TSHZ1: variants seen among roughly 807,000 people sequenced by gnomAD.
TSHZ1 encodes the protein teashirt homolog 1.
Under a neutral mutation model 67.1 loss-of-function variants are expected in TSHZ1, and 12 were observed. The ratio of observed to expected loss-of-function variants is 0.18; its 90% CI spans 0.11 to 0.29. The LOEUF (loss-of-function observed/expected upper bound fraction) is 0.29. Ranked by LOEUF, TSHZ1 falls within the 10% of genes least tolerant of loss-of-function variation. The pLI is 1.00. For synonymous variants in TSHZ1, 632 were observed against 622.4 expected (o/e 1.02, Z -0.23); for missense variants, 1,305 against 1,413.9 (o/e 0.92, Z 1.23).
At chr18:75,258,405 C>T (rs1247458793) in intron 1 of TSHZ1, among the ~76,000 whole-genome samples, 4 of 152,146 alleles carry the variant, frequency 2.6e-5, no homozygotes, top group Non-Finnish European at 5.9e-5. Flanking sequence ...AATAAGTACA[C>T]ATGGGCATGA....
intron 1 of TSHZ1, among the ~76,000 whole-genome samples, chr18:75,221,518 T>A (rs1313756843): frequency 6.6e-6 from 1 of 152,240 alleles, no homozygotes; most frequent in Non-Finnish European, 1.5e-5. Context: ...AAGTGAAGGC[T>A]CTTTTCAAAG....
intron 1 of TSHZ1, among the ~76,000 whole-genome samples, chr18:75,216,366 C>T (rs537514375): frequency 2.0e-5 from 3 of 152,124 alleles, no homozygotes; most frequent in South Asian, 2.1e-4. Flanking sequence ...TTTCCTGTTG[C>T]GGTGCTTGTG....
chr18:75,237,450 A>G (rs542346082), intron 1 of TSHZ1, among the ~76,000 whole-genome samples: 10 of 152,244 alleles, frequency 6.6e-5, no homozygotes, highest in Non-Finnish European at 4.4e-5. Flanking sequence ...TGAGCCCATA[A>G]AGTTGAGGCT....
chr18:75,257,463 G>A (rs1210368875), intron 1 of TSHZ1, among the ~76,000 whole-genome samples: 3 of 152,182 alleles, frequency 2.0e-5, no homozygotes, highest in Admixed American at 1.3e-4. Context: ...CAATTAATAA[G>A]AGCAAGTGCT....
intron 1 of TSHZ1, among the ~76,000 whole-genome samples, chr18:75,251,497 T>TTTG (rs1246251517): frequency 1.3e-5 from 2 of 151,276 alleles, no homozygotes; most frequent in African/African-American, 2.4e-5. Flanking sequence ...TTTAGGGTTT[T>TTTG]TTTTTTTTTT....
chr18:75,229,982 C>T (rs2022976854), intron 1 of TSHZ1, among the ~76,000 whole-genome samples: 1 of 152,196 alleles, frequency 6.6e-6, no homozygotes, highest in Admixed American at 6.5e-5. Context: ...GGTGGTGATA[C>T]TGGGTATTTT....
At chr18:75,221,483 C>T (rs958041196) in intron 1 of TSHZ1, among the ~76,000 whole-genome samples, 6 of 152,180 alleles carry the variant, frequency 3.9e-5, no homozygotes, top group East Asian at 1.9e-4. Context: ...AGAAATGGTA[C>T]GACATACCAA....
chr18:75,248,864 T>A (rs1190135838), intron 1 of TSHZ1, among the ~76,000 whole-genome samples: 1 of 152,122 alleles, frequency 6.6e-6, no homozygotes, highest in Non-Finnish European at 1.5e-5. Flanking sequence ...GGGGAACGGT[T>A]AGAAATAGCC....
Position 75,285,946 on chromosome 18 carries a change from G to A in TSHZ1, c.539G>A (p.Ser180Asn). 1 of 1,531,224 alleles carries A rather than the reference G, an allele frequency of 6.5e-7. No homozygotes were observed. Among genetic ancestry groups the A allele is most frequent in the Non-Finnish European group, 8.8e-7 (1 of 1,138,246 alleles). The allele number at this position is 1,531,224 out of a possible 1,614,324, so 94.9% of individuals were successfully genotyped here. A position where few individuals can be genotyped will look rare whatever the true frequency, so the allele number is the denominator to read the frequency against. The change falls in exon 2 of 2, where the codon AGC (serine) becomes AAC (asparagine). Residue 180 changes from serine (S) to asparagine (N), a missense_variant. By Grantham distance (46) the Ser-to-Asn change is conservative. This residue lies in a region of TSHZ1 where 358 missense variants were observed against 375.6 expected (regional missense o/e 0.95). Transcript: ENST00000580243. ...PTTSTPSTSC[S>N]SSTSHSSTTS... ...ACGAGCACGCCCAGCACCAGCTGCA[G>A]CTCCAGCACCAGCCACAGCAGTACC... is the stretch of plus-strand genomic sequence containing the variant.
At chr18:75,254,291 G>C (rs2023338933) in intron 1 of TSHZ1, among the ~76,000 whole-genome samples, 1 of 152,138 alleles carries the variant, frequency 6.6e-6, no homozygotes, top group Non-Finnish European at 1.5e-5. Flanking sequence ...GGGACTACAG[G>C]ATGCTTTAAT....
chr18:75,255,968 A>T (rs978644296), intron 1 of TSHZ1, among the ~76,000 whole-genome samples: 9 of 152,218 alleles, frequency 5.9e-5, no homozygotes, highest in African/African-American at 2.2e-4. Flanking sequence ...ATTTATTAGG[A>T]ATTTAATTTC....
In TSHZ1 at chr18:75,287,851, C is replaced by T; in HGVS notation, c.2444C>T (p.Ser815Phe). ...GACCAGCCCATTGACTTAACCAAGTCCAAGAACAAGCCGCTGGTGTCCAGC... is the reference window on the plus strand; with the variant it reads ...GACCAGCCCATTGACTTAACCAAGTTCAAGAACAAGCCGCTGGTGTCCAGC... ...NSDQPIDLTK[S>F]KNKPLVSSVA... The change falls in exon 2 of 2, where the codon TCC becomes TTC. Residue 815 changes from serine to phenylalanine, a missense_variant. Ser to Phe is a radical substitution (Grantham distance 155). Coordinates refer to ENST00000580243, the MANE Select transcript of TSHZ1 (RefSeq NM_001308210.2). This position sits in a 1 kb window ranked among gnomAD's most constrained non-coding sequence, Gnocchi z 5.0. 1.2e-6 allele frequency: 2 copies of T among 1,614,158 alleles called. No individual in the cohort carries two copies. Among genetic ancestry groups the T allele is most frequent in the Non-Finnish European group, 1.7e-6 (2 of 1,180,052 alleles).
intron 1 of TSHZ1, among the ~76,000 whole-genome samples, chr18:75,218,371 A>C (rs1038436538): frequency 6.6e-6 from 1 of 152,238 alleles, no homozygotes; most frequent in African/African-American, 2.4e-5. Flanking sequence ...TATAGCCTCA[A>C]AATGAGTGTT....
In TSHZ1 at chr18:75,286,961, G is replaced by A. The variant is rs1189330131; in HGVS notation, c.1554G>A (p.Glu518=). The change falls in exon 2 of 2, where the codon GAG becomes GAA. Residue 518 remains glutamate (E), a synonymous_variant. Coordinates refer to ENST00000580243, the MANE Select transcript of TSHZ1 (RefSeq NM_001308210.2). The surrounding 1 kb of genome is among the most constrained non-coding windows in gnomAD (Gnocchi z 5.1). ...PVAGDAEKIK[E]ESEDSLEKFE... ...CTGGCGACGCGGAGAAGATCAAGGA[G>A]GAGAGTGAGGACAGCTTGGAGAAAT... 1 of 1,614,126 alleles carries A rather than the reference G, an allele frequency of 6.2e-7. No homozygotes were observed.
intron 1 of TSHZ1, among the ~76,000 whole-genome samples, chr18:75,215,373 A>G (rs2022752941): frequency 6.6e-6 from 1 of 152,226 alleles, no homozygotes; most frequent in Admixed American, 6.5e-5. Context: ...TATACCTGTG[A>G]AATCACAGGA....
At chr18:75,262,207 A>C (rs2023438617) in intron 1 of TSHZ1, among the ~76,000 whole-genome samples, 1 of 152,200 alleles carries the variant, frequency 6.6e-6, no homozygotes, top group Non-Finnish European at 1.5e-5. Flanking sequence ...CCAATAGGTT[A>C]CCAGAAGATT....
At chr18:75,229,209 C>T (rs1160877039) in intron 1 of TSHZ1, among the ~76,000 whole-genome samples, 1 of 152,244 alleles carries the variant, frequency 6.6e-6, no homozygotes, top group Non-Finnish European at 1.5e-5. Context: ...TCAAAGCCCA[C>T]CTCAGCTTTG....
intron 1 of TSHZ1, among the ~76,000 whole-genome samples, chr18:75,278,753 G>A (rs1311748495): frequency 1.3e-5 from 2 of 152,164 alleles, no homozygotes; most frequent in Admixed American, 6.5e-5. Context: ...AGTGCTGGCT[G>A]CTGGAGGTGG....
In TSHZ1 at chr18:75,211,462, G is replaced by T. The variant is rs1423805661; in HGVS notation, c.-415G>T. ...TCGGCTCGCGGAAGAAGGCGCAGGG[G>T]AGCGCCCGGAGCGGCGCGCCGGGAG... is the stretch of plus-strand genomic sequence containing the variant. On this transcript the variant is annotated 5_prime_UTR_variant, in exon 1 of 2. Transcript: ENST00000580243. The T allele has an allele frequency of 6.7e-6, 1 of 150,332 alleles. No homozygotes were observed. Among genetic ancestry groups the T allele is most frequent in the Non-Finnish European group, 1.5e-5 (1 of 67,346 alleles). 9.3% of individuals were successfully genotyped at this position (150,332 alleles called of 1,614,324 possible).
Sources: gnomAD v4.1 joint callset for allele counts (sites outside exome capture counted in the v4.1 genomes callset) on GRCh38, gnomAD v4.1.1 for gene constraint, gnomAD v4.1.1 regional missense constraint, Gnocchi (gnomAD v3.1) non-coding constraint, MANE v1.5 for transcripts, NCBI Gene and HGNC (gene_info 2026-07-23, HGNC 2026-07-21) for gene names.